The following GRID2 variants were observed in gnomAD, a reference collection of about 807,000 sequenced individuals.
The protein encoded by GRID2 is glutamate ionotropic receptor delta type subunit 2.
In GRID2, 33 loss-of-function variants were observed where a neutral mutation model predicts 114.8. The observed-to-expected ratio is 0.29, with a 90% CI of 0.22 to 0.38. GRID2 has a LOEUF of 0.38. GRID2 is among the 10% of genes least tolerant of loss of function. The probability of loss-of-function intolerance (pLI) is 1.00; values close to 1 mark genes in which losing one functional copy is unlikely to be tolerated. For synonymous variants in GRID2, 505 were observed against 449.9 expected (o/e 1.12, Z -1.55); for missense variants, 1,184 against 1,257.7 (o/e 0.94, Z 0.89).
Position 93,241,945 on chromosome 4 carries a change from T to A in GRID2, c.1245+3455T>A, listed in dbSNP as rs186907065. Among the ~76,000 whole-genome samples, 301 of 151,328 alleles carry A rather than the reference T, an allele frequency of 2.0e-3. 1 individual carries two copies. Among genetic ancestry groups the A allele is most frequent in the Middle Eastern group, 0.017 (5 of 292 alleles). On this transcript the variant is annotated intron_variant, in intron 8 of 15. Transcript: ENST00000282020. ...CCAGTAGTGAAGAAGAAAATGAAGA[T>A]ATAAGAAAGAAAGGTGATAATTGAT...
intron 2 of GRID2, among the ~76,000 whole-genome samples, chr4:92,745,416 G>T (rs1029208301): frequency 1.3e-5 from 2 of 151,846 alleles, no homozygotes; most frequent in African/African-American, 4.8e-5. Flanking sequence ...CTTTGCCTAG[G>T]CATATTGTAT....
intron 1 of GRID2, among the ~76,000 whole-genome samples, chr4:92,576,806 C>T (rs959380352): frequency 1.3e-5 from 2 of 152,112 alleles, no homozygotes; most frequent in South Asian, 2.1e-4. Flanking sequence ...GGCTCTGTTG[C>T]TCCTGGGTGG....
At chr4:93,712,029 T>C (rs539532649) in intron 14 of GRID2, among the ~76,000 whole-genome samples, 9 of 152,204 alleles carry the variant, frequency 5.9e-5, no homozygotes, top group Non-Finnish European at 1.3e-4. Flanking sequence ...GTTGTTTTAA[T>C]ACATTAGGGA....
chr4:93,150,501 C>T (rs947053845), intron 4 of GRID2, among the ~76,000 whole-genome samples: 3 of 152,084 alleles, frequency 2.0e-5, no homozygotes, highest in Non-Finnish European at 2.9e-5. Flanking sequence ...CTTATAAGTG[C>T]TCACTGTGCC....
chr4:93,594,308 C>T (rs1252759770), intron 13 of GRID2, among the ~76,000 whole-genome samples: 1 of 152,130 alleles, frequency 6.6e-6, no homozygotes, highest in Non-Finnish European at 1.5e-5. Context: ...TTGGAGTACC[C>T]TGCAGTGTGA....
At chr4:92,969,059 C>A (rs545876363) in intron 2 of GRID2, among the ~76,000 whole-genome samples, 1 of 151,598 alleles carries the variant, frequency 6.6e-6, no homozygotes, top group South Asian at 2.1e-4. Context: ...TAATATAAGG[C>A]AATAGTAGCA....
At chr4:92,837,428 C>T (rs1002133856) in intron 2 of GRID2, among the ~76,000 whole-genome samples, 3 of 149,794 alleles carry the variant, frequency 2.0e-5, no homozygotes, top group East Asian at 2.0e-4. Context: ...AAACTGTATT[C>T]AGTGTGTAAT....
At chr4:92,427,286 TTA>T (rs1732208184) in intron 1 of GRID2, among the ~76,000 whole-genome samples, 1 of 152,132 alleles carries the variant, frequency 6.6e-6, no homozygotes, top group Non-Finnish European at 1.5e-5. Flanking sequence ...TCTTGATCTA[TTA>T]TGTTCCCTAA....
chr4:93,250,865 A>G (rs1189373593), intron 8 of GRID2, among the ~76,000 whole-genome samples: 2 of 151,544 alleles, frequency 1.3e-5, no homozygotes, highest in Non-Finnish European at 2.9e-5. Context: ...CCTTCATTTT[A>G]AAAAGTATAA....
intron 10 of GRID2, among the ~76,000 whole-genome samples, chr4:93,454,236 C>A (rs774823625): frequency 1.4e-4 from 21 of 152,000 alleles, no homozygotes; most frequent in Admixed American, 5.2e-4. Context: ...AAATTTCACA[C>A]TGTTTTAATA....
intron 2 of GRID2, among the ~76,000 whole-genome samples, chr4:92,938,430 G>C (rs1578532738): frequency 6.8e-6 from 1 of 146,436 alleles, no homozygotes; most frequent in Non-Finnish European, 1.5e-5. Flanking sequence ...TTTTTCATAA[G>C]AGAAATAACT....
Position 92,557,027 on chromosome 4 carries a change from C to A in GRID2, c.89-33104C>A, listed in dbSNP as rs139239572. Among the ~76,000 whole-genome samples the A allele has an allele frequency of 1.6e-3, 249 of 151,984 alleles. 1 individual carries two copies. The highest frequency in any genetic ancestry group is 5.6e-3 in the African/African-American group (231 of 41,478). On this transcript the variant is annotated intron_variant, in intron 1 of 15. Transcript: ENST00000282020. ...GTTTTCATTCATAAAACATCTATTG[C>A]CCAACAGAGAAAACGATGCTGAATT...
intron 1 of GRID2, among the ~76,000 whole-genome samples, chr4:93,780,337 A>T (rs1425798004): frequency 6.6e-6 from 1 of 152,198 alleles, no homozygotes; most frequent in Non-Finnish European, 1.5e-5. Context: ...TGAGGTGAGA[A>T]TGTCCTGGGC....
chr4:93,697,880 T>TATATATATA (rs1208336606), intron 14 of GRID2, among the ~76,000 whole-genome samples: 3 of 147,816 alleles, frequency 2.0e-5, no homozygotes, highest in Non-Finnish European at 4.5e-5. Context: ...TATATATATA[T>TATATATATA]TTCAAAACAA....
At chr4:92,479,244 A>G (rs986718513) in intron 1 of GRID2, among the ~76,000 whole-genome samples, 3 of 152,148 alleles carry the variant, frequency 2.0e-5, no homozygotes, top group Non-Finnish European at 4.4e-5. Flanking sequence ...AAATAATTAC[A>G]TGGTTTTTTA....
intron 2 of GRID2, among the ~76,000 whole-genome samples, chr4:92,673,530 A>G (rs1040378730): frequency 4.6e-5 from 7 of 152,180 alleles, no homozygotes; most frequent in Admixed American, 3.3e-4. Flanking sequence ...GGAGTTTTTA[A>G]AATATTTCTT....
intron 4 of GRID2, among the ~76,000 whole-genome samples, chr4:93,163,983 A>T (rs1296705579): frequency 6.6e-6 from 1 of 151,926 alleles, no homozygotes; most frequent in Non-Finnish European, 1.5e-5. Flanking sequence ...CCCCACTCCT[A>T]TCCCTCTTCA....
intron 13 of GRID2, among the ~76,000 whole-genome samples, chr4:93,538,091 A>G (rs929522415): frequency 2.6e-5 from 4 of 151,834 alleles, no homozygotes; most frequent in African/African-American, 9.7e-5. Flanking sequence ...TAAAAATTGT[A>G]TACTCAAATC....
chr4:93,605,331 A>G (rs1331495254), intron 13 of GRID2, among the ~76,000 whole-genome samples: 1 of 152,220 alleles, frequency 6.6e-6, no homozygotes, highest in African/African-American at 2.4e-5. Flanking sequence ...GCATAGACAT[A>G]GAACACTGCC....
Sources: allele counts gnomAD v4.1 joint callset (sites outside exome capture counted in the v4.1 genomes callset), GRCh38; gene constraint gnomAD v4.1.1; transcripts MANE v1.5; gene names NCBI Gene and HGNC (gene_info 2026-07-23, HGNC 2026-07-21).